The following DDX10 variants were observed in gnomAD, a reference collection of about 807,000 sequenced individuals.
DDX10 encodes the protein DEAD-box helicase 10.
A neutral mutation model predicts 104.3 loss-of-function variants in DDX10; 74 were observed. The ratio of observed to expected loss-of-function variants is 0.71; its 90% CI spans 0.59 to 0.86. The LOEUF is 0.86. DDX10 is among the 40% of genes least tolerant of loss of function. The pLI is 0.00. For synonymous variants in DDX10, 351 were observed against 353.4 expected (o/e 0.99, Z 0.08); for missense variants, 952 against 1,040.0 (o/e 0.92, Z 1.16).
At chr11:108,697,642 C>G (rs969854708) in intron 9 of DDX10, among the ~76,000 whole-genome samples, 7 of 152,122 alleles carry the variant, frequency 4.6e-5, no homozygotes, top group African/African-American at 1.7e-4. Flanking sequence ...CCCCTTTTAA[C>G]AAAATGATCT....
At chr11:108,791,676 A>T (rs1284633524) in intron 13 of DDX10, among the ~76,000 whole-genome samples, 3 of 152,006 alleles carry the variant, frequency 2.0e-5, no homozygotes, top group Admixed American at 6.5e-5. Context: ...CTGTCCCAAT[A>T]GTTTTGCCTT....
At chr11:108,921,815 G>A (rs971324445) in intron 17 of DDX10, 1 of 152,340 alleles carries the variant, frequency 6.6e-6, no homozygotes, top group African/African-American at 2.4e-5. Flanking sequence ...AAAATTAGCT[G>A]GGCATAGTGG....
In DDX10 at chr11:108,822,536, G is replaced by A. The variant is rs947504069; in HGVS notation, c.1966-15910G>A. On this transcript the variant is annotated intron_variant, in intron 13 of 17. Transcript: ENST00000322536. ...TATCCAACGGCCTCACCTGTCTCCTGCCTGGAGAGACTATGGAGATTAGGC... is the reference window on the plus strand; with the variant it reads ...TATCCAACGGCCTCACCTGTCTCCTACCTGGAGAGACTATGGAGATTAGGC... 3 of 222,528 alleles carry A rather than the reference G, an allele frequency of 1.3e-5. No homozygotes were observed. In the Admixed American group the frequency reaches 1.6e-4, roughly 12 times the overall value. 13.8% of individuals were successfully genotyped at this position (222,528 alleles called of 1,614,324 possible).
At chr11:108,759,960 C>T (rs1320225419) in intron 13 of DDX10, among the ~76,000 whole-genome samples, 11 of 150,110 alleles carry the variant, frequency 7.3e-5, no homozygotes, top group Admixed American at 1.3e-4. Context: ...GTGAAAGAAA[C>T]GGTTTTGATA....
At chr11:108,858,489 G>A (rs1486165248) in intron 16 of DDX10, among the ~76,000 whole-genome samples, 2 of 152,144 alleles carry the variant, frequency 1.3e-5, no homozygotes, top group African/African-American at 2.4e-5. Context: ...TAGCACCGGG[G>A]CCTGCAGAAT....
At chr11:108,694,854 C>T (rs1591793994) in intron 9 of DDX10, among the ~76,000 whole-genome samples, 1 of 152,116 alleles carries the variant, frequency 6.6e-6, no homozygotes, top group Admixed American at 6.5e-5. Context: ...GCATTCCAGC[C>T]TGGGCGACAG....
chr11:108,767,624 A>T lies in DDX10; in HGVS notation c.1965+44162A>T, dbSNP rs118095609. Among the ~76,000 whole-genome samples, 1,242 of 152,266 alleles carry T rather than the reference A, an allele frequency of 8.2e-3. 7 individuals are homozygous for T. Among genetic ancestry groups the T allele is most frequent in the Non-Finnish European group, 0.013 (903 of 68,014 alleles). The stretch of plus-strand genomic sequence containing the variant: ...TTTCCTACTTAGATTCTGCTATTTT[A>T]TCCCTTGTCCTTTACTTATGCTGTT... On this transcript the variant is annotated intron_variant, in intron 13 of 17. Coordinates refer to ENST00000322536, the MANE Select transcript of DDX10 (RefSeq NM_004398.4).
At chr11:108,732,457 C>T (rs1013066011) in intron 13 of DDX10, among the ~76,000 whole-genome samples, 3 of 152,142 alleles carry the variant, frequency 2.0e-5, no homozygotes, top group Non-Finnish European at 2.9e-5. Flanking sequence ...TTGGGCTACT[C>T]ATTGTGTGCG....
intron 9 of DDX10, 148 bp downstream of exon 9, chr11:108,693,748 T>G (rs2094255999): frequency 1.5e-6 from 1 of 672,850 alleles, no homozygotes; most frequent in African/African-American, 1.8e-5. Flanking sequence ...CTGTAAATCA[T>G]TATGGCTAAG....
intron 13 of DDX10, among the ~76,000 whole-genome samples, chr11:108,802,135 G>T (rs984418391): frequency 7.9e-5 from 12 of 152,016 alleles, no homozygotes; most frequent in South Asian, 2.1e-4. Flanking sequence ...GGATGTACAG[G>T]TTGACTAAAC....
At chr11:108,720,243 T>C (rs2094296658) in intron 12 of DDX10, among the ~76,000 whole-genome samples, 1 of 152,260 alleles carries the variant, frequency 6.6e-6, no homozygotes, top group South Asian at 2.1e-4. Context: ...TATTTGTAAG[T>C]ATAAATTCCT....
chr11:108,845,353 CATT>C (rs1173209691), intron 15 of DDX10, among the ~76,000 whole-genome samples: 1 of 152,198 alleles, frequency 6.6e-6, no homozygotes, highest in East Asian at 1.9e-4. Context: ...TACTTGAACA[CATT>C]GTTGGTTTTT....
chr11:108,940,285 C>G lies in DDX10; in HGVS notation c.2490C>G (p.Asn830Lys), dbSNP rs763264779. The change falls in exon 18 of 18, where the codon AAC (asparagine) becomes AAG (lysine). Residue 830 changes from asparagine to lysine, a missense_variant. Transcript: ENST00000322536. The part of the protein sequence containing the change: ...KKKQGMKKRS[N>K]SEVEDVGPTS... ...AGCAGGGGATGAAGAAGAGGAGCAA[C>G]AGTGAAGTGGAAGACGTGGGACCAA... 2 of 1,613,960 alleles carry G rather than the reference C, an allele frequency of 1.2e-6. No homozygotes were observed. Among genetic ancestry groups the G allele is most frequent in the Non-Finnish European group, 1.7e-6 (2 of 1,180,002 alleles).
At chr11:108,924,393 A>G (rs1308869393) in intron 17 of DDX10, among the ~76,000 whole-genome samples, 1 of 152,192 alleles carries the variant, frequency 6.6e-6, no homozygotes, top group East Asian at 1.9e-4. Flanking sequence ...GTCCTCATTT[A>G]GACCTGATAA....
intron 16 of DDX10, among the ~76,000 whole-genome samples, chr11:108,879,178 A>G (rs977465943): frequency 2.6e-5 from 4 of 151,780 alleles, no homozygotes; most frequent in Admixed American, 6.6e-5. Flanking sequence ...ATTTTTTGTA[A>G]TTTAGTAGAG....
chr11:108,705,014 AGCCAGTTTT>A, intron 9 of DDX10, among the ~76,000 whole-genome samples: 1 of 152,312 alleles, frequency 6.6e-6, no homozygotes, highest in East Asian at 1.9e-4. Context: ...AGTATGTCAA[AGCCAGTTTT>A]TCCTTCCAGC....
At chr11:108,738,251 C>CT (rs55902143) in intron 13 of DDX10, among the ~76,000 whole-genome samples, 106,719 of 144,018 alleles carry the variant, frequency 0.74, 39,502 homozygotes, top group Non-Finnish European at 0.78. Context: ...TGAGACTGAA[C>CT]TTTTTTTTTT....
chr11:108,748,948 G>T (rs2094335086), intron 13 of DDX10, among the ~76,000 whole-genome samples: 1 of 151,894 alleles, frequency 6.6e-6, no homozygotes, highest in South Asian at 2.1e-4. Context: ...ACAGGCATGA[G>T]CCACCACGCC....
intron 17 of DDX10, among the ~76,000 whole-genome samples, chr11:108,925,272 G>A (rs760591601): frequency 3.0e-4 from 46 of 152,294 alleles, no homozygotes; most frequent in Non-Finnish European, 4.6e-4. Flanking sequence ...CACAGTTTGA[G>A]AAATTGGGAG....
Sources: gnomAD v4.1 joint callset for allele counts (sites outside exome capture counted in the v4.1 genomes callset) on GRCh38, gnomAD v4.1.1 for gene constraint, MANE v1.5 for transcripts, NCBI Gene and HGNC (gene_info 2026-07-23, HGNC 2026-07-21) for gene names.